NRG1: variants seen among roughly 807,000 people sequenced by gnomAD.
NRG1 encodes the protein pro-neuregulin-1, membrane-bound isoform.
Under a neutral mutation model 63.8 loss-of-function variants are expected in NRG1, and 18 were observed. The ratio of observed to expected loss-of-function variants is 0.28; its 90% confidence interval spans 0.19 to 0.42. The LOEUF is 0.42. Ranked by LOEUF, NRG1 falls within the 10% of genes least tolerant of loss-of-function variation. The pLI is 1.00. For missense variants in NRG1, 762 were observed against 814.7 expected (o/e 0.94, Z 0.79); for synonymous variants, 302 against 301.3 (o/e 1.00, Z -0.02).
At chr8:32,482,207 GAAA>G (rs924547711) in intron 1 of NRG1, among the ~76,000 whole-genome samples, 1 of 146,642 alleles carries the variant, frequency 6.8e-6, no homozygotes, top group Non-Finnish European at 1.5e-5. Context: ...AGCTCTTCAG[GAAA>G]AAAAAAAGAA....
intron 1 of NRG1, among the ~76,000 whole-genome samples, chr8:32,290,602 C>T (rs1854078414): frequency 6.6e-6 from 1 of 152,116 alleles, no homozygotes; most frequent in African/African-American, 2.4e-5. Flanking sequence ...GTTACAGTGG[C>T]TCTGTCTTAT....
At chr8:31,982,929 C>T (rs2129631090) in intron 1 of NRG1, among the ~76,000 whole-genome samples, 1 of 152,180 alleles carries the variant, frequency 6.6e-6, no homozygotes, top group East Asian at 1.9e-4. Flanking sequence ...CAGTTTTATG[C>T]TGGCAGGGTT....
Position 31,836,521 on chromosome 8 carries a change from T to C in NRG1, c.37+197090T>C, listed in dbSNP as rs984785362. Among the ~76,000 whole-genome samples the C allele has an allele frequency of 5.3e-5, 8 of 151,558 alleles. 1 individual carries two copies. In the East Asian group the frequency reaches 1.5e-3, roughly 29 times the overall value. ...ATTAAGTATTTAAAACTGTGTATTG[T>C]TCTCTCATCTTTTTAAACAACTGGT... is the stretch of plus-strand genomic sequence containing the variant. On this transcript the variant is annotated intron_variant, in intron 1 of 10. Coordinates refer to the NRG1 transcript ENST00000519301.
chr8:32,771,715 A>AAAAAAAAAAAT (rs1343943621), downstream of NRG1, among the ~76,000 whole-genome samples: 13 of 111,846 alleles, frequency 1.2e-4, no homozygotes, highest in Admixed American at 1.9e-4. Context: ...TTAAAAAAAA[A>AAAAAAAAAAAT]ATATATATAT....
chr8:32,660,945 C>G (rs746622707), intron 5 of NRG1, among the ~76,000 whole-genome samples: 2 of 152,162 alleles, frequency 1.3e-5, no homozygotes, highest in Non-Finnish European at 2.9e-5. Context: ...TTCCAAGGGA[C>G]CTATTGACAC....
chr8:32,189,349 C>T (rs1842264951), intron 1 of NRG1, among the ~76,000 whole-genome samples: 1 of 152,048 alleles, frequency 6.6e-6, no homozygotes. Context: ...TTTTCTGTTT[C>T]TGTGTTAATT....
At chr8:31,660,425 A>G (rs1805870759) in intron 1 of NRG1, among the ~76,000 whole-genome samples, 1 of 152,238 alleles carries the variant, frequency 6.6e-6, no homozygotes, top group Admixed American at 6.5e-5. Flanking sequence ...TTCTGGGTAT[A>G]TAGAATTGTT....
chr8:32,773,654 G>A (rs1831933416), intron 7 of NRG1, among the ~76,000 whole-genome samples: 1 of 152,148 alleles, frequency 6.6e-6, no homozygotes, highest in Admixed American at 6.6e-5. Context: ...ATCAGCATCT[G>A]TCACTAGGAT....
At chr8:32,375,406 A>G (rs1006827939) in intron 1 of NRG1, among the ~76,000 whole-genome samples, 5 of 152,344 alleles carry the variant, frequency 3.3e-5, no homozygotes, top group Admixed American at 2.6e-4. Context: ...ATACTAAAAT[A>G]TATTCTTAAA....
At chr8:32,679,089 C>T (rs1054522379) in intron 5 of NRG1, among the ~76,000 whole-genome samples, 21 of 151,820 alleles carry the variant, frequency 1.4e-4, no homozygotes, top group Middle Eastern at 3.4e-3. Context: ...TCCAGGAGTT[C>T]GAGTCCAGCC....
At chr8:32,645,739 A>T (rs997822023) in intron 5 of NRG1, among the ~76,000 whole-genome samples, 10 of 152,226 alleles carry the variant, frequency 6.6e-5, no homozygotes, top group African/African-American at 2.4e-4. Flanking sequence ...GGTTCCTTGG[A>T]AACCGTTTAG....
At chr8:31,709,628 T>A (rs1272711908) in intron 1 of NRG1, among the ~76,000 whole-genome samples, 1 of 152,094 alleles carries the variant, frequency 6.6e-6, no homozygotes, top group Non-Finnish European at 1.5e-5. Flanking sequence ...CTAATTCATT[T>A]GTTGAAATCA....
chr8:32,770,599 T>C (rs2129066454), downstream of NRG1, among the ~76,000 whole-genome samples: 1 of 152,360 alleles, frequency 6.6e-6, no homozygotes, highest in Non-Finnish European at 1.5e-5. Flanking sequence ...TTAGTGATTC[T>C]ATGCACCTTT....
At chr8:32,339,069 C>T (rs1294198370) in intron 1 of NRG1, among the ~76,000 whole-genome samples, 1 of 151,958 alleles carries the variant, frequency 6.6e-6, no homozygotes, top group Non-Finnish European at 1.5e-5. Context: ...GTGGCCCCTA[C>T]AAAATTGTCA....
At chr8:32,127,329 A>G (rs1379599385) in intron 1 of NRG1, among the ~76,000 whole-genome samples, 2 of 151,776 alleles carry the variant, frequency 1.3e-5, no homozygotes, top group African/African-American at 4.8e-5. Context: ...ACCTTCCTAT[A>G]CTGTGGCCAC....
chr8:32,253,185 A>T (rs968434267), intron 1 of NRG1, among the ~76,000 whole-genome samples: 1 of 152,142 alleles, frequency 6.6e-6, no homozygotes, highest in African/African-American at 2.4e-5. Flanking sequence ...AATATACTTT[A>T]TTTCTTTCTC....
At chr8:31,847,288 C>T (rs1267510768) in intron 1 of NRG1, among the ~76,000 whole-genome samples, 6 of 149,342 alleles carry the variant, frequency 4.0e-5, no homozygotes, top group African/African-American at 1.2e-4. Context: ...TTACCTAAGA[C>T]TTTAAAAGAC....
chr8:31,640,237 G>C lies in NRG1; in HGVS notation c.37+806G>C, dbSNP rs2130821526. Reference sequence around the variant, plus strand: ...TCAGCGCGCCGCGGTGGTGATCGAGGGAAAGGTGCACCCGCAGCGGCGGCA... The same window carrying C: ...TCAGCGCGCCGCGGTGGTGATCGAGCGAAAGGTGCACCCGCAGCGGCGGCA... On this transcript the variant is annotated intron_variant, in intron 1 of 10. Coordinates refer to the NRG1 transcript ENST00000519301. This position sits in a 1 kb window ranked among gnomAD's most constrained non-coding sequence, Gnocchi z 6.3. The C allele has an allele frequency of 1.7e-6, 2 of 1,155,886 alleles. No homozygotes were observed. Among genetic ancestry groups the C allele is most frequent in the African/African-American group, 1.6e-5 (1 of 61,174 alleles). The allele number at this position is 1,155,886 out of a possible 1,614,324, so 71.6% of individuals were successfully genotyped here.
chr8:31,651,502 G>T (rs1804838346), intron 1 of NRG1, among the ~76,000 whole-genome samples: 1 of 152,232 alleles, frequency 6.6e-6, no homozygotes, highest in African/African-American at 2.4e-5. Context: ...AGCACAGAGA[G>T]TGTGGAGAGC....
Sources: allele counts gnomAD v4.1 joint callset (sites outside exome capture counted in the v4.1 genomes callset), GRCh38; gene constraint gnomAD v4.1.1; non-coding constraint Gnocchi (gnomAD v3.1); transcripts MANE v1.5; gene names NCBI Gene and HGNC (gene_info 2026-07-23, HGNC 2026-07-21).